The following VPS50 variants were observed in gnomAD, a reference collection of about 807,000 sequenced individuals.
The protein encoded by VPS50 is VPS50 subunit of EARP/GARPII complex.
VPS50 carries 70 observed loss-of-function variants against 139.7 expected under a neutral mutation model. The observed-to-expected ratio is 0.50, with a 90% confidence interval of 0.41 to 0.61. The LOEUF (loss-of-function observed/expected upper bound fraction) is 0.61, where lower values mean the gene tolerates loss of function less well. Among genes scored for constraint, VPS50 ranks in the 20% least tolerant of loss-of-function variants. The pLI is 0.00. For synonymous variants in VPS50, 365 were observed against 376.7 expected (o/e 0.97, Z 0.36); for missense variants, 921 against 1,133.7 (o/e 0.81, Z 2.69).
At chr7:93,344,081 A>G (rs1798310655) in intron 23 of VPS50, among the ~76,000 whole-genome samples, 1 of 152,160 alleles carries the variant, frequency 6.6e-6, no homozygotes, top group Admixed American at 6.5e-5. Context: ...TATTCAGGAA[A>G]CCCATCTCAC....
chr7:93,260,032 G>T (rs1303130761), intron 9 of VPS50, among the ~76,000 whole-genome samples: 1 of 152,142 alleles, frequency 6.6e-6, no homozygotes, highest in Non-Finnish European at 1.5e-5. Context: ...GATGGTTCAA[G>T]TGTTTGGCTC....
chr7:93,341,961 T>A (rs1161399910), intron 23 of VPS50, among the ~76,000 whole-genome samples: 1 of 152,180 alleles, frequency 6.6e-6, no homozygotes, highest in Non-Finnish European at 1.5e-5. Context: ...TAAGAATGCT[T>A]CCTGGGGAGA....
intron 23 of VPS50, 49 bp downstream of exon 23, chr7:93,341,624 T>A (rs1048077793): frequency 1.5e-6 from 2 of 1,337,906 alleles, no homozygotes; most frequent in Non-Finnish European, 2.1e-6. Context: ...TAAGAAACTT[T>A]ATAAAAGAAG....
intron 12 of VPS50, among the ~76,000 whole-genome samples, chr7:93,278,885 A>G (rs892506366): frequency 6.6e-6 from 1 of 152,104 alleles, no homozygotes; most frequent in Non-Finnish European, 1.5e-5. Flanking sequence ...CATAGAAAAC[A>G]TAATAGCAGG....
intron 13 of VPS50, among the ~76,000 whole-genome samples, chr7:93,292,295 T>G (rs933616133): frequency 4.6e-5 from 7 of 152,108 alleles, no homozygotes; most frequent in African/African-American, 1.7e-4. Context: ...GACTAGAATT[T>G]CATTTTCAAA....
chr7:93,330,252 G>A (rs1039123384), intron 21 of VPS50, among the ~76,000 whole-genome samples: 1 of 151,950 alleles, frequency 6.6e-6, no homozygotes, highest in African/African-American at 2.4e-5. Flanking sequence ...TAGCCAACAG[G>A]AATATTAAAG....
chr7:93,290,700 T>C (rs1166774462), intron 12 of VPS50, among the ~76,000 whole-genome samples: 2 of 152,058 alleles, frequency 1.3e-5, no homozygotes, highest in East Asian at 3.8e-4. Flanking sequence ...TTTCAAAGAT[T>C]TGATATACTT....
chr7:93,252,377 G>A (rs571026476), intron 2 of VPS50, among the ~76,000 whole-genome samples: 1 of 151,726 alleles, frequency 6.6e-6, no homozygotes, highest in African/African-American at 2.4e-5. Flanking sequence ...TTTTTCTTTT[G>A]TTGGACATTA....
intron 3 of VPS50, 29 bp from the exon 4 acceptor site, chr7:93,253,831 C>A: frequency 7.7e-7 from 1 of 1,298,804 alleles, no homozygotes; most frequent in Non-Finnish European, 1.1e-6. Flanking sequence ...TTTATTTTTT[C>A]CTCTTCTTTC....
intron 25 of VPS50, 75 bp from the exon 26 acceptor site, chr7:93,353,565 T>C: frequency 1.3e-6 from 2 of 1,489,968 alleles, no homozygotes; most frequent in South Asian, 2.5e-5. Context: ...ATCTTTTTTA[T>C]TTAAACAATT....
intron 17 of VPS50, among the ~76,000 whole-genome samples, chr7:93,305,327 T>C (rs539945368): frequency 6.6e-6 from 1 of 151,970 alleles, no homozygotes; most frequent in South Asian, 2.1e-4. Flanking sequence ...TTTCTTGGTA[T>C]ATAGCGAAAA....
At chr7:93,345,018 C>T (rs1040578952) in intron 23 of VPS50, among the ~76,000 whole-genome samples, 4 of 152,222 alleles carry the variant, frequency 2.6e-5, no homozygotes, top group African/African-American at 9.6e-5. Flanking sequence ...AAAAACCCTT[C>T]ACAAAATTAA....
intron 16 of VPS50, among the ~76,000 whole-genome samples, chr7:93,301,800 T>G (rs1454894555): frequency 6.6e-6 from 1 of 152,202 alleles, no homozygotes; most frequent in Non-Finnish European, 1.5e-5. Context: ...CTGGATCCTA[T>G]GGTAACGCTC....
chr7:93,343,154 G>C (rs1328831052), intron 23 of VPS50, among the ~76,000 whole-genome samples: 1 of 152,146 alleles, frequency 6.6e-6, no homozygotes, highest in Non-Finnish European at 1.5e-5. Context: ...TGATGGAGCT[G>C]AAAACCAAGG....
chr7:93,336,352 A>G (rs1290464774), intron 22 of VPS50, among the ~76,000 whole-genome samples: 1 of 152,196 alleles, frequency 6.6e-6, no homozygotes, highest in African/African-American at 2.4e-5. Flanking sequence ...GTAAACTAAG[A>G]AAATTTGTTT....
At chr7:93,257,257 T>A (rs574690221) in intron 5 of VPS50, 137 bp from the exon 6 acceptor site, 145 of 565,590 alleles carry the variant, frequency 2.6e-4, no homozygotes, top group Non-Finnish European at 3.8e-4. Flanking sequence ...GTTTTCAAGT[T>A]CAGGTATTTT....
intron 1 of VPS50, among the ~76,000 whole-genome samples, chr7:93,238,164 C>T (rs185262069): frequency 2.0e-5 from 3 of 152,260 alleles, no homozygotes; most frequent in Admixed American, 2.0e-4. Context: ...GCCTTGCCTT[C>T]TTTACCAGTT....
intron 12 of VPS50, among the ~76,000 whole-genome samples, chr7:93,291,047 T>C (rs1310456089): frequency 6.6e-6 from 1 of 152,018 alleles, no homozygotes; most frequent in Non-Finnish European, 1.5e-5. Flanking sequence ...TTATGACAAA[T>C]GGGAAGCCTG....
intron 22 of VPS50, among the ~76,000 whole-genome samples, chr7:93,338,956 G>T (rs1330410717): frequency 6.6e-6 from 1 of 152,146 alleles, no homozygotes; most frequent in Non-Finnish European, 1.5e-5. Flanking sequence ...AACAAGAGAG[G>T]TGTCTGTTTA....
Sources: allele counts gnomAD v4.1 joint callset (sites outside exome capture counted in the v4.1 genomes callset), GRCh38; gene constraint gnomAD v4.1.1; transcripts MANE v1.5; gene names NCBI Gene and HGNC (gene_info 2026-07-23, HGNC 2026-07-21).